The following PAICS variants were observed in gnomAD, a reference collection of about 807,000 sequenced individuals.
PAICS encodes the protein phosphoribosylaminoimidazole carboxylase and phosphoribosylaminoimidazolesuccinocarboxamide synthase.
PAICS carries 33 observed loss-of-function variants against 53.7 expected under a neutral mutation model. That is an observed-to-expected ratio of 0.61 (90% confidence interval 0.47 to 0.82). The LOEUF (loss-of-function observed/expected upper bound fraction) is 0.82. Among genes scored for constraint, PAICS ranks in the 40% least tolerant of loss-of-function variants. The pLI is 0.00. For missense variants in PAICS, 394 were observed against 494.1 expected (o/e 0.80, Z 1.92); for synonymous variants, 141 against 167.2 (o/e 0.84, Z 1.21).
chr4:56,436,346 G>C lies in PAICS; in HGVS notation c.16+18G>C, dbSNP rs557230817. 132 of 1,565,806 alleles carry C rather than the reference G, an allele frequency of 8.4e-5. 1 individual carries two copies. In the African/African-American group the frequency reaches 9.9e-4, roughly 12 times the overall value. On this transcript the variant is annotated intron_variant, in intron 1 of 8. Coordinates refer to ENST00000512576, the MANE Select transcript of PAICS (RefSeq NM_001079524.2). ...AGCTGAGGGTGAGTAACAGGGATCC[G>C]GGCCCTTCACGGTCTCCCTGACCCC... is the stretch of plus-strand genomic sequence containing the variant.
the PAICS span, among the ~76,000 whole-genome samples, chr4:56,419,070 T>G: frequency 6.6e-6 from 1 of 152,232 alleles, no homozygotes; most frequent in African/African-American, 2.4e-5. Context: ...CAACCCTGAC[T>G]ACACATTAGA....
intron 2 of PAICS, among the ~76,000 whole-genome samples, chr4:56,446,096 T>C (rs904658253): frequency 3.9e-5 from 6 of 152,218 alleles, no homozygotes; most frequent in African/African-American, 1.4e-4. Context: ...TGGAACAATA[T>C]CTGCCATAAA....
intron 1 of PAICS, 29 bp from the exon 2 acceptor site, chr4:56,441,634 T>A: frequency 1.7e-6 from 2 of 1,155,176 alleles, no homozygotes; most frequent in Non-Finnish European, 2.4e-6. Flanking sequence ...GTTTCTGAAT[T>A]TTGGTCTATT....
chr4:56,437,789 C>A (rs1417309090), intron 1 of PAICS, among the ~76,000 whole-genome samples: 4 of 140,924 alleles, frequency 2.8e-5, no homozygotes, highest in Non-Finnish European at 6.0e-5. Context: ...CCACTGCACT[C>A]CAGCCTGGCG....
intron 8 of PAICS, among the ~76,000 whole-genome samples, chr4:56,455,723 T>C (rs1719159846): frequency 6.6e-6 from 1 of 152,238 alleles, no homozygotes; most frequent in African/African-American, 2.4e-5. Context: ...CACTGTCTCC[T>C]AGCATCCACA....
rs1140982 is a variant in PAICS at position 56,460,830 on chromosome 4, C to T, written c.*1292C>T. ...TACTAAAAATACAAAAAGTAGCCAG[C>T]CGTGATGACAGGCACCTGTAATCCC... On this transcript the variant is annotated 3_prime_UTR_variant, in exon 9 of 9. Coordinates refer to ENST00000512576, the MANE Select transcript of PAICS (RefSeq NM_001079524.2). 0.13 allele frequency: 20,531 copies of T among 152,092 alleles called. 1,803 individuals are homozygous for T. The highest frequency in any genetic ancestry group is 0.27 in the East Asian group (1,406 of 5,156). 9.4% of individuals were successfully genotyped at this position (152,092 alleles called of 1,614,324 possible).
At chr4:56,418,247 G>A in the PAICS span, among the ~76,000 whole-genome samples, 1 of 152,154 alleles carries the variant, frequency 6.6e-6, no homozygotes, top group Admixed American at 6.5e-5. Flanking sequence ...AGGCTGCAAT[G>A]AGCAGTGGTC....
chr4:56,410,918 AAAAAAAAAAAG>A, the PAICS span: 3 of 975,800 alleles, frequency 3.1e-6, no homozygotes, highest in Non-Finnish European at 3.7e-6. Flanking sequence ...AAAAAAAAAA[AAAAAAAAAAAG>A]AAAAGTACTC....
At chr4:56,411,483 A>C in the PAICS span, among the ~76,000 whole-genome samples, 1 of 152,210 alleles carries the variant, frequency 6.6e-6, no homozygotes, top group African/African-American at 2.4e-5. Flanking sequence ...AAATGATCTG[A>C]GACTAAGTGA....
At chr4:56,449,272 A>G (rs1465952893) in intron 5 of PAICS, among the ~76,000 whole-genome samples, 1 of 152,214 alleles carries the variant, frequency 6.6e-6, no homozygotes, top group East Asian at 1.9e-4. Context: ...AAAAAAGCTC[A>G]TCATCACTGA....
chr4:56,453,768 T>C lies in PAICS; in HGVS notation c.1111+7T>C, dbSNP rs1199048644. ...TCTCTTCGACTACCCAGTGGTAAGATACATTGAATTTTTAAAAACTGTTCA... is the reference window on the plus strand; with the variant it reads ...TCTCTTCGACTACCCAGTGGTAAGACACATTGAATTTTTAAAAACTGTTCA... On this transcript the variant is annotated splice_region_variant and intron_variant, in intron 8 of 8. Coordinates refer to ENST00000512576, the MANE Select transcript of PAICS (RefSeq NM_001079524.2). The C allele has an allele frequency of 1.3e-6, 2 of 1,528,288 alleles. No homozygotes were observed. Among genetic ancestry groups the C allele is most frequent in the African/African-American group, 1.4e-5 (1 of 72,674 alleles). 94.7% of individuals were successfully genotyped at this position (1,528,288 alleles called of 1,614,324 possible). A position where few individuals can be genotyped will look rare whatever the true frequency, so the allele number is the denominator to read the frequency against.
At chr4:56,412,781 C>T in the PAICS span, among the ~76,000 whole-genome samples, 2 of 152,176 alleles carry the variant, frequency 1.3e-5, no homozygotes. Flanking sequence ...CATCATGTCT[C>T]ATATGGAATA....
At chr4:56,418,059 G>A in the PAICS span, among the ~76,000 whole-genome samples, 1 of 152,074 alleles carries the variant, frequency 6.6e-6, no homozygotes, top group African/African-American at 2.4e-5. Context: ...GGATGGTCTT[G>A]ATCTCCTGAC....
At chr4:56,419,402 A>C in the PAICS span, among the ~76,000 whole-genome samples, 1 of 152,220 alleles carries the variant, frequency 6.6e-6, no homozygotes, top group African/African-American at 2.4e-5. Flanking sequence ...GACTAAAAAA[A>C]CACAACTTTA....
upstream of PAICS, among the ~76,000 whole-genome samples, chr4:56,432,092 T>C (rs77074189): frequency 2.0e-3 from 303 of 152,348 alleles, 4 homozygotes; most frequent in East Asian, 0.047. Flanking sequence ...TTTATTTTTA[T>C]ATGAAATGGC....
intron 1 of PAICS, chr4:56,436,659 T>TA (rs1258392750): frequency 3.4e-6 from 2 of 592,302 alleles, no homozygotes; most frequent in Non-Finnish European, 6.3e-6. Context: ...CCCGTTAGGT[T>TA]AATGACCTTT....
Position 56,448,495 on chromosome 4 carries a change from A to C in PAICS, c.471A>C (p.Ile157=). Residue 157 remains isoleucine, a synonymous_variant, in exon 4 of 9, where the codon ATA becomes ATC. Coordinates refer to ENST00000512576, the MANE Select transcript of PAICS (RefSeq NM_001079524.2). ...AAKFCFAGLL[I]GQTEVDIMSH... ...AATTTTGCTTTGCTGGACTTCTTAT[A>C]GGCCAGACTGAAGTGGATATCATGA... is the stretch of plus-strand genomic sequence containing the variant. The C allele has an allele frequency of 6.2e-7, 1 of 1,612,846 alleles. No individual in the cohort carries two copies. Among genetic ancestry groups the C allele is most frequent in the Non-Finnish European group, 8.5e-7 (1 of 1,179,066 alleles).
chr4:56,451,031 A>ATG (rs1005422354), intron 6 of PAICS: 20 of 186,098 alleles, frequency 1.1e-4, no homozygotes, highest in African/African-American at 4.7e-4. Flanking sequence ...GTTAGCCAGG[A>ATG]TGGTCTTGAT....
chr4:56,439,997 C>G (rs1718254811), intron 1 of PAICS, among the ~76,000 whole-genome samples: 1 of 152,184 alleles, frequency 6.6e-6, no homozygotes, highest in African/African-American at 2.4e-5. Context: ...GTTCACTCAC[C>G]CCTTCCTCCC....
Sources: gnomAD v4.1 joint callset for allele counts (sites outside exome capture counted in the v4.1 genomes callset) on GRCh38, gnomAD v4.1.1 for gene constraint, MANE v1.5 for transcripts, NCBI Gene and HGNC (gene_info 2026-07-23, HGNC 2026-07-21) for gene names.